Variants in SIPA1L1 observed in about 807,000 individuals in gnomAD.
The protein encoded by SIPA1L1 is signal-induced proliferation-associated 1-like protein 1.
In SIPA1L1, 26 loss-of-function variants were observed where a neutral mutation model predicts 162.7. That is an observed-to-expected ratio of 0.16 (90% confidence interval 0.12 to 0.22). The LOEUF (loss-of-function observed/expected upper bound fraction) is 0.22. Among genes scored for constraint, SIPA1L1 ranks in the 10% least tolerant of loss-of-function variants. SIPA1L1 has a pLI of 1.00. For missense variants in SIPA1L1, 1,874 were observed against 2,241.0 expected (o/e 0.84, Z 3.31); for synonymous variants, 829 against 837.4 (o/e 0.99, Z 0.17).
intron 2 of SIPA1L1, among the ~76,000 whole-genome samples, chr14:71,467,545 A>T (rs1182127004): frequency 6.6e-6 from 1 of 152,164 alleles, no homozygotes; most frequent in Non-Finnish European, 1.5e-5. Flanking sequence ...TTGTAATTTA[A>T]AAACGTAATT....
At chr14:71,683,291 A>T (rs1036844245) in intron 12 of SIPA1L1, among the ~76,000 whole-genome samples, 2 of 152,220 alleles carry the variant, frequency 1.3e-5, no homozygotes, top group Non-Finnish European at 2.9e-5. Context: ...ATACATAATA[A>T]TAAAGTTCTG....
chr14:71,557,644 G>A (rs1476893992), intron 4 of SIPA1L1, among the ~76,000 whole-genome samples: 1 of 152,094 alleles, frequency 6.6e-6, no homozygotes, highest in Non-Finnish European at 1.5e-5. Flanking sequence ...ATATGAAAAT[G>A]AACAAAGTAA....
chr14:71,357,731 T>G (rs1453948064), intron 2 of SIPA1L1, among the ~76,000 whole-genome samples: 2 of 151,660 alleles, frequency 1.3e-5, no homozygotes, highest in Non-Finnish European at 2.9e-5. Flanking sequence ...CCGGCTAATT[T>G]TTGTTGTTGT....
chr14:71,685,326 T>G (rs762207707), intron 12 of SIPA1L1, 36 bp from the exon 13 acceptor site: 3 of 1,606,304 alleles, frequency 1.9e-6, no homozygotes, highest in Non-Finnish European at 2.6e-6. Flanking sequence ...AAAAGCAGTA[T>G]CCATTGTGTT....
At chr14:71,642,621 A>G (rs955392514) in intron 7 of SIPA1L1, among the ~76,000 whole-genome samples, 13 of 152,220 alleles carry the variant, frequency 8.5e-5, no homozygotes, top group African/African-American at 2.7e-4. Flanking sequence ...CTTTATAGGA[A>G]TACAACAATA....
chr14:71,727,129 A>G (rs1484081352), intron 19 of SIPA1L1, among the ~76,000 whole-genome samples: 1 of 152,096 alleles, frequency 6.6e-6, no homozygotes, highest in African/African-American at 2.4e-5. Context: ...CCTCACTGGC[A>G]AGCAGAGATA....
intron 3 of SIPA1L1, among the ~76,000 whole-genome samples, chr14:71,528,264 C>T (rs763460388): frequency 5.9e-5 from 9 of 152,202 alleles, no homozygotes; most frequent in Admixed American, 4.6e-4. Context: ...ATTTAGAAAT[C>T]GAAGCTTATT....
intron 4 of SIPA1L1, among the ~76,000 whole-genome samples, chr14:71,566,124 A>G (rs1162387072): frequency 3.9e-5 from 6 of 152,184 alleles, no homozygotes; most frequent in African/African-American, 1.2e-4. Flanking sequence ...AAGTAAATAA[A>G]CAAAAAAACC....
intron 5 of SIPA1L1, 57 bp from the exon 6 acceptor site, chr14:71,618,700 A>G (rs576693961): frequency 1.3e-6 from 2 of 1,524,236 alleles, no homozygotes; most frequent in Admixed American, 1.9e-5. Context: ...GCAGAATGTA[A>G]CATTTTCAAA....
intron 2 of SIPA1L1, among the ~76,000 whole-genome samples, chr14:71,468,934 GTT>G (rs1263064505): frequency 6.6e-6 from 1 of 152,058 alleles, no homozygotes; most frequent in Non-Finnish European, 1.5e-5. Context: ...CTAAGCCCTG[GTT>G]AACAATCTCC....
intron 18 of SIPA1L1, 59 bp from the exon 19 acceptor site, chr14:71,724,611 A>G (rs2084055459): frequency 1.4e-6 from 2 of 1,431,846 alleles, no homozygotes; most frequent in Admixed American, 2.1e-5. Flanking sequence ...AGAGCCCATC[A>G]TGCCCTTGAG....
intron 8 of SIPA1L1, among the ~76,000 whole-genome samples, chr14:71,653,816 A>G (rs372724166): frequency 1.3e-5 from 2 of 152,184 alleles, no homozygotes; most frequent in Admixed American, 6.5e-5. Context: ...CTAGATACCA[A>G]TTATCCCCAC....
At chr14:71,492,865 A>G (rs560206336) in intron 2 of SIPA1L1, among the ~76,000 whole-genome samples, 32 of 150,472 alleles carry the variant, frequency 2.1e-4, no homozygotes, top group East Asian at 1.2e-3. Context: ...GGCTCAAGCA[A>G]TTCTCCCACC....
At chr14:71,622,538 C>G (rs577430214) in intron 6 of SIPA1L1, among the ~76,000 whole-genome samples, 9 of 152,166 alleles carry the variant, frequency 5.9e-5, no homozygotes, top group Non-Finnish European at 1.3e-4. Context: ...CTCCCTATTT[C>G]AAGCTATGTA....
intron 4 of SIPA1L1, among the ~76,000 whole-genome samples, chr14:71,532,020 G>GT (rs894886298): frequency 1.9e-3 from 286 of 148,198 alleles, no homozygotes; most frequent in African/African-American, 5.3e-3. Flanking sequence ...TTTCTGTTTT[G>GT]TTTTTTTTTC....
intron 21 of SIPA1L1, among the ~76,000 whole-genome samples, chr14:71,734,525 TTTGTTG>T (rs1179836000): frequency 1.3e-5 from 2 of 152,310 alleles, no homozygotes; most frequent in African/African-American, 4.8e-5. Flanking sequence ...TTTTTCTGTT[TTTGTTG>T]TTGTTGTTGC....
intron 23 of SIPA1L1, among the ~76,000 whole-genome samples, chr14:71,738,641 T>C (rs1310224190): frequency 1.3e-5 from 2 of 152,236 alleles, no homozygotes; most frequent in Admixed American, 1.3e-4. Flanking sequence ...GTCGGTGTTA[T>C]TGGGGCTTTT....
At chr14:71,578,575 CAT>C (rs1247086148) in intron 4 of SIPA1L1, among the ~76,000 whole-genome samples, 1 of 152,160 alleles carries the variant, frequency 6.6e-6, no homozygotes, top group African/African-American at 2.4e-5. Flanking sequence ...TGAATGAACA[CAT>C]AGTTTGTATG....
chr14:71,409,581 G>A (rs1488845271), intron 2 of SIPA1L1, among the ~76,000 whole-genome samples: 1 of 152,188 alleles, frequency 6.6e-6, no homozygotes, highest in Admixed American at 6.5e-5. Context: ...GGACCTTTTA[G>A]TAAAAGGATT....
Sources: allele counts gnomAD v4.1 joint callset (sites outside exome capture counted in the v4.1 genomes callset), GRCh38; gene constraint gnomAD v4.1.1; transcripts MANE v1.5; gene names NCBI Gene and HGNC (gene_info 2026-07-23, HGNC 2026-07-21).